RTN1: variants seen among roughly 807,000 people sequenced by gnomAD.
The protein encoded by RTN1 is reticulon-1.
Under a neutral mutation model 65.5 loss-of-function variants are expected in RTN1, and 25 were observed. That is an observed-to-expected ratio of 0.38 (90% CI 0.28 to 0.53). The LOEUF is 0.53. Ranked by LOEUF, RTN1 falls within the 20% of genes least tolerant of loss-of-function variation. The pLI is 0.79. For synonymous variants in RTN1, 471 were observed against 447.6 expected (o/e 1.05, Z -0.66); for missense variants, 983 against 1,025.4 (o/e 0.96, Z 0.57).
intron 1 of RTN1, among the ~76,000 whole-genome samples, chr14:59,811,272 A>G (rs1159983436): frequency 6.6e-6 from 1 of 152,188 alleles, no homozygotes; most frequent in Non-Finnish European, 1.5e-5. Context: ...TTCCCAGCAA[A>G]GAAACTATAG....
At chr14:59,837,021 G>T (rs1185798976) in intron 1 of RTN1, among the ~76,000 whole-genome samples, 1 of 146,594 alleles carries the variant, frequency 6.8e-6, no homozygotes, top group Non-Finnish European at 1.5e-5. Flanking sequence ...GAAGAATAAG[G>T]GGTAAGTATG....
intron 3 of RTN1, among the ~76,000 whole-genome samples, chr14:59,723,989 T>C (rs189440394): frequency 2.0e-5 from 3 of 152,338 alleles, no homozygotes; most frequent in Non-Finnish European, 1.5e-5. Context: ...ACACTGGGTA[T>C]TAGTGCTTTT....
chr14:59,755,440 A>C (rs1432188485), intron 1 of RTN1, among the ~76,000 whole-genome samples: 1 of 152,206 alleles, frequency 6.6e-6, no homozygotes. Flanking sequence ...ATTAAAAGCC[A>C]GAATCAATGA....
rs1259670343 is a variant in RTN1 at position 59,727,052 on chromosome 14, C to T, written c.1632G>A (p.Glu544=). The change falls in exon 3 of 9, where the codon GAG becomes GAA. Residue 544 remains glutamate, a synonymous_variant. Coordinates refer to ENST00000267484, the MANE Select transcript of RTN1 (RefSeq NM_021136.3). The surrounding 1 kb of genome is among the most constrained non-coding windows in gnomAD (Gnocchi z 4.2). ...PELPPGDGAL[E]PETPMLPRKP... is the part of the protein sequence containing the mutation. ...TCCGTGGCAACATGGGCGTCTCAGG[C>T]TCCAGGGCTCCGTCTCCAGGGGGCA... is the stretch of plus-strand genomic sequence containing the variant. 6.2e-7 allele frequency: 1 copy of T among 1,613,270 alleles called. No individual in the cohort carries two copies. Among genetic ancestry groups the T allele is most frequent in the Non-Finnish European group, 8.5e-7 (1 of 1,179,660 alleles).
intron 3 of RTN1, among the ~76,000 whole-genome samples, chr14:59,648,266 C>T (rs1349292104): frequency 2.6e-5 from 4 of 152,148 alleles, no homozygotes; most frequent in African/African-American, 9.7e-5. Context: ...CCTGACCAGA[C>T]CAATAATGAG....
chr14:59,710,700 G>A (rs535883161), intron 3 of RTN1, among the ~76,000 whole-genome samples: 14 of 152,172 alleles, frequency 9.2e-5, no homozygotes, highest in Non-Finnish European at 2.1e-4. Context: ...CACCAGAAAG[G>A]CAGCTTTGGA....
At chr14:59,678,051 C>T (rs1883664196) in intron 3 of RTN1, among the ~76,000 whole-genome samples, 1 of 152,142 alleles carries the variant, frequency 6.6e-6, no homozygotes, top group African/African-American at 2.4e-5. Flanking sequence ...CTATTTACAA[C>T]AATGACTACC....
chr14:59,851,259 G>A (rs532304917), intron 1 of RTN1, among the ~76,000 whole-genome samples: 63 of 152,288 alleles, frequency 4.1e-4, no homozygotes, highest in Non-Finnish European at 7.3e-4. Flanking sequence ...ATCATTATGT[G>A]TTAAATAATA....
intron 1 of RTN1, among the ~76,000 whole-genome samples, chr14:59,815,886 G>T (rs1886812502): frequency 6.6e-6 from 1 of 152,096 alleles, no homozygotes; most frequent in Non-Finnish European, 1.5e-5. Flanking sequence ...GTCCCCAGTT[G>T]CCCAGTTAAT....
At chr14:59,744,207 C>T (rs1404153389) in intron 2 of RTN1, among the ~76,000 whole-genome samples, 1 of 152,184 alleles carries the variant, frequency 6.6e-6, no homozygotes, top group Admixed American at 6.5e-5. Flanking sequence ...CCTCTACAGG[C>T]TTTGCTTCCA....
intron 3 of RTN1, among the ~76,000 whole-genome samples, chr14:59,675,052 TAC>T (rs5809041): frequency 0.032 from 4,756 of 148,002 alleles, 227 homozygotes; most frequent in African/African-American, 0.1. Context: ...TGCAGATGAA[TAC>T]ACACACACAC....
chr14:59,635,930 T>C (rs1393471489), intron 3 of RTN1, among the ~76,000 whole-genome samples: 2 of 152,152 alleles, frequency 1.3e-5, no homozygotes, highest in African/African-American at 2.4e-5. Context: ...AAGAACCTGC[T>C]GTACATCTTT....
intron 1 of RTN1, among the ~76,000 whole-genome samples, chr14:59,861,845 T>C (rs1425790535): frequency 6.6e-6 from 1 of 152,200 alleles, no homozygotes; most frequent in Non-Finnish European, 1.5e-5. Flanking sequence ...ATCTCTCAAA[T>C]GGCATGTTTT....
chr14:59,812,922 T>G (rs1404663674), intron 1 of RTN1, among the ~76,000 whole-genome samples: 1 of 152,222 alleles, frequency 6.6e-6, no homozygotes, highest in Non-Finnish European at 1.5e-5. Flanking sequence ...ATTATCTCAC[T>G]GCAAAGTAAA....
intron 1 of RTN1, among the ~76,000 whole-genome samples, chr14:59,869,528 T>C (rs1394997306): frequency 1.4e-5 from 2 of 144,486 alleles, no homozygotes; most frequent in Admixed American, 1.4e-4. Flanking sequence ...CGCTCAGACT[T>C]TGAATAGGGC....
At chr14:59,602,973 A>G (rs1159051798) in intron 8 of RTN1, 92 bp downstream of exon 8, 1 of 890,384 alleles carries the variant, frequency 1.1e-6, no homozygotes, top group African/African-American at 1.7e-5. Flanking sequence ...TCAATCTATC[A>G]TTTTACTATC....
chr14:59,663,427 G>T (rs570533087), intron 3 of RTN1, among the ~76,000 whole-genome samples: 3 of 152,128 alleles, frequency 2.0e-5, no homozygotes, highest in Non-Finnish European at 4.4e-5. Flanking sequence ...CATGGGCAAA[G>T]ACTTCATGAC....
intron 1 of RTN1, among the ~76,000 whole-genome samples, chr14:59,746,701 G>C (rs908594809): frequency 4.6e-5 from 7 of 152,114 alleles, no homozygotes; most frequent in Admixed American, 6.5e-5. Flanking sequence ...GACCCCAGAG[G>C]CTCACATAAA....
chr14:59,848,431 A>C (rs1887447335), intron 1 of RTN1, among the ~76,000 whole-genome samples: 1 of 152,232 alleles, frequency 6.6e-6, no homozygotes, highest in Non-Finnish European at 1.5e-5. Flanking sequence ...TTTAATCATA[A>C]CTGTCAAGAA....
Sources: allele counts gnomAD v4.1 joint callset (sites outside exome capture counted in the v4.1 genomes callset), GRCh38; gene constraint gnomAD v4.1.1; non-coding constraint Gnocchi (gnomAD v3.1); transcripts MANE v1.5; gene names NCBI Gene and HGNC (gene_info 2026-07-23, HGNC 2026-07-21).